GPATCH8: variants seen among roughly 807,000 people sequenced by gnomAD.
GPATCH8 encodes G patch domain-containing protein 8.
Under a neutral mutation model 118.3 loss-of-function variants are expected in GPATCH8, and 18 were observed. That is an observed-to-expected ratio of 0.15 (90% CI 0.11 to 0.23). The LOEUF is 0.23. GPATCH8 is among the 10% of genes least tolerant of loss of function. The pLI is 1.00. For missense variants in GPATCH8, 1,631 were observed against 1,873.8 expected, an observed-to-expected ratio of 0.87 and a Z score of 2.39; for synonymous variants, 659 against 684.7, an observed-to-expected ratio of 0.96 and a Z score of 0.59.
chr17:44,414,316 C>T (rs141130422), intron 6 of GPATCH8, among the ~76,000 whole-genome samples: 2 of 151,888 alleles, frequency 1.3e-5, no homozygotes, highest in African/African-American at 2.4e-5. Flanking sequence ...TACCCCACCC[C>T]CCTTTTTTGG....
chr17:44,423,990 T>C (rs2050003341), intron 6 of GPATCH8, among the ~76,000 whole-genome samples: 1 of 152,210 alleles, frequency 6.6e-6, no homozygotes, highest in African/African-American at 2.4e-5. Flanking sequence ...AACAGTCTGC[T>C]GAATAACTCT....
At chr17:44,475,027 A>C (rs1967626417) in intron 1 of GPATCH8, 124 bp from the exon 2 acceptor site, 1 of 664,492 alleles carries the variant, frequency 1.5e-6, no homozygotes, top group East Asian at 2.7e-5. Context: ...AGGACACTGC[A>C]ATCGTTCATT....
rs1166875117 is a variant in GPATCH8, at chr17:44,399,026, C to T, written c.3051G>A (p.Glu1017=). The T allele has an allele frequency of 1.2e-6, 2 of 1,613,950 alleles. No homozygotes were observed. Among genetic ancestry groups the T allele is most frequent in the South Asian group, 2.2e-5 (2 of 91,074 alleles). The change falls in exon 8 of 8, where the codon GAG becomes GAA. Residue 1017 remains glutamate (E), a synonymous_variant. Coordinates refer to ENST00000591680, the MANE Select transcript of GPATCH8 (RefSeq NM_001002909.4). ...KRSWGHESPE[E]RHSGRRDFIR... ...TGAAGTCCCGACGCCCAGAATGCCT[C>T]TCCTCAGGGCTCTCGTGACCCCATG...
intron 3 of GPATCH8, among the ~76,000 whole-genome samples, chr17:44,458,730 C>A (rs879826582): frequency 6.6e-6 from 1 of 152,076 alleles, no homozygotes; most frequent in Non-Finnish European, 1.5e-5. Context: ...CTTGTTGTTG[C>A]CCAAGCTGGT....
chr17:44,429,685 C>CACACACACACACACACACACACACAT (rs1567976291), intron 5 of GPATCH8, among the ~76,000 whole-genome samples: 1 of 141,532 alleles, frequency 7.1e-6, no homozygotes, highest in Non-Finnish European at 1.5e-5. Context: ...CACACACACA[C>CACACACACACACACACACACACACAT]AAAACAACAA....
intron 5 of GPATCH8, among the ~76,000 whole-genome samples, chr17:44,431,565 TAAC>T (rs1342419518): frequency 7.4e-5 from 8 of 108,248 alleles, no homozygotes; most frequent in African/African-American, 1.6e-4. Flanking sequence ...TTTAATAAAA[TAAC>T]AAGAATGTCA....
Position 44,478,808 on chromosome 17 carries a change from T to C in GPATCH8, c.46-3905A>G, listed in dbSNP as rs139133313. On this transcript the variant is annotated intron_variant, in intron 1 of 7. Coordinates refer to ENST00000591680, the MANE Select transcript of GPATCH8 (RefSeq NM_001002909.4). ...AAGCTAGAGTGCAGTGGAACCATCA[T>C]AGCTTACTGTAACCTTAACTCCTGG... Among the ~76,000 whole-genome samples the C allele has an allele frequency of 4.2e-3, 632 of 152,244 alleles. 5 individuals are homozygous for C. The highest frequency in any genetic ancestry group is 0.015 in the African/African-American group (613 of 41,554).
Position 44,399,493 on chromosome 17 carries a change from A to T in GPATCH8, c.2584T>A (p.Ser862Thr), listed in dbSNP as rs1376612832. 1 of 1,614,124 alleles carries T rather than the reference A, an allele frequency of 6.2e-7. No homozygotes were observed. Among genetic ancestry groups the T allele is most frequent in the South Asian group, 1.1e-5 (1 of 91,074 alleles). ...TAAGAACGCCGGGAGGAACGATGCG[A>T]GGAATGGCGCCGGCCAGACCTTGAG... ...SRSRSGRRHS[S>T]HRSSRRSYSS... is the part of the protein sequence containing the mutation. The change falls in exon 8 of 8, where the codon TCG becomes ACG. Residue 862 changes from serine (S) to threonine (T), a missense_variant. Physicochemically the swap from Ser to Thr is moderately conservative, Grantham distance 58. Transcript: ENST00000591680.
rs1219301018 is a variant in GPATCH8 at position 44,410,236 on chromosome 17, T to C, written c.493-4185A>G. Among the ~76,000 whole-genome samples the C allele has an allele frequency of 2.0e-5, 3 of 152,194 alleles. No individual in the cohort carries two copies. The East Asian group carries it at 5.8e-4, about 29-fold the overall frequency. ...TTGTCACGGAATACCCACGTGAAAT[T>C]CTGTGAATTGTACCTGCACTTTTCT... On this transcript the variant is annotated intron_variant, in intron 6 of 7. Transcript: ENST00000591680.
intron 5 of GPATCH8, among the ~76,000 whole-genome samples, chr17:44,433,643 A>C (rs1430508887): frequency 6.6e-6 from 1 of 152,168 alleles, no homozygotes; most frequent in Non-Finnish European, 1.5e-5. Flanking sequence ...TGGTGTCATG[A>C]CCACTCTTGT....
chr17:44,451,590 T>C (rs567876515), intron 3 of GPATCH8, among the ~76,000 whole-genome samples: 32 of 152,226 alleles, frequency 2.1e-4, no homozygotes, highest in African/African-American at 7.2e-4. Context: ...AAACAGAAAG[T>C]AGAAGTCAGG....
At chr17:44,410,044 CCT>C (rs1285906594) in intron 6 of GPATCH8, among the ~76,000 whole-genome samples, 5 of 152,140 alleles carry the variant, frequency 3.3e-5, no homozygotes, top group Admixed American at 2.0e-4. Flanking sequence ...ACTCCAGATA[CCT>C]CTTATTTCTA....
At chr17:44,471,220 C>A (rs1054149554) in intron 2 of GPATCH8, among the ~76,000 whole-genome samples, 1 of 152,136 alleles carries the variant, frequency 6.6e-6, no homozygotes. Flanking sequence ...AAATGCTTTA[C>A]AAATACTGGA....
At chr17:44,423,338 T>C (rs2049981501) in intron 6 of GPATCH8, among the ~76,000 whole-genome samples, 1 of 152,200 alleles carries the variant, frequency 6.6e-6, no homozygotes, top group Admixed American at 6.5e-5. Flanking sequence ...GTTAGGTATA[T>C]TTAAATGGGG....
chr17:44,481,062 C>G (rs933435078), intron 1 of GPATCH8, among the ~76,000 whole-genome samples: 1 of 151,994 alleles, frequency 6.6e-6, no homozygotes, highest in African/African-American at 2.4e-5. Context: ...AGGTGCACGC[C>G]ACTACACCAA....
chr17:44,414,107 A>G (rs57673444), intron 6 of GPATCH8, among the ~76,000 whole-genome samples: 3,896 of 95,770 alleles, frequency 0.041, 178 homozygotes, highest in African/African-American at 0.13. Flanking sequence ...ATATGTGTGT[A>G]TATATATATG....
rs187324161 is a variant in GPATCH8, at chr17:44,421,775, G to A, written c.492+2574C>T. ...AGGGTCTTGCTCTGTCACCCAGGCT[G>A]AAGTACAGCGACATGATCTTGCCTC... is the stretch of plus-strand genomic sequence containing the variant. On this transcript the variant is annotated intron_variant, in intron 6 of 7. Coordinates refer to ENST00000591680, the MANE Select transcript of GPATCH8 (RefSeq NM_001002909.4). 2.2e-3 allele frequency among the ~76,000 whole-genome samples: 333 copies of A among 151,076 alleles called. 1 individual carries two copies. The highest frequency in any genetic ancestry group is 7.7e-3 in the African/African-American group (317 of 41,060).
At chr17:44,458,101 A>T (rs2051404885) in intron 3 of GPATCH8, among the ~76,000 whole-genome samples, 1 of 151,346 alleles carries the variant, frequency 6.6e-6, no homozygotes, top group African/African-American at 2.4e-5. Flanking sequence ...AAAAAAAAAA[A>T]AAAATTAGGC....
intron 1 of GPATCH8, among the ~76,000 whole-genome samples, chr17:44,479,484 C>G (rs1363729072): frequency 6.6e-6 from 1 of 151,980 alleles, no homozygotes; most frequent in Non-Finnish European, 1.5e-5. Context: ...AACTAGGTGT[C>G]CATATACAAA....
Sources: gnomAD v4.1 joint callset for allele counts (sites outside exome capture counted in the v4.1 genomes callset) on GRCh38, gnomAD v4.1.1 for gene constraint, MANE v1.5 for transcripts, NCBI Gene and HGNC (gene_info 2026-07-23, HGNC 2026-07-21) for gene names.